The following PCDHGB5 variants were observed in gnomAD, a reference collection of about 807,000 sequenced individuals.
PCDHGB5 encodes the protein protocadherin gamma-B5.
PCDHGB5 carries 48 observed loss-of-function variants against 62.9 expected under a neutral mutation model. That is an observed-to-expected ratio of 0.76 (90% CI 0.61 to 0.97). The LOEUF is 0.97. Among genes scored for constraint, PCDHGB5 ranks in the 50% least tolerant of loss-of-function variants. The pLI is 0.00. For synonymous variants in PCDHGB5, 474 were observed against 511.2 expected, an observed-to-expected ratio of 0.93 and a Z score of 0.98; for missense variants, 1,118 against 1,198.6, an observed-to-expected ratio of 0.93 and a Z score of 0.99.
chr5:141,488,672 G>A (rs1012955473), intron 1 of PCDHGB5, among the ~76,000 whole-genome samples: 20 of 152,208 alleles, frequency 1.3e-4, no homozygotes, highest in African/African-American at 4.8e-4. Context: ...GAATACATGG[G>A]CTTTGCCTCT....
chr5:141,486,162 T>G lies in PCDHGB5; in HGVS notation c.2398-8645T>G, dbSNP rs763023343. ...GCTCGCGATGGGGGTTCTCCAGCCA[T>G]GGAGCAACATTGCAGCCTTCGAGTG... On this transcript the variant is annotated intron_variant, in intron 1 of 3. Coordinates refer to ENST00000617380, the MANE Select transcript of PCDHGB5 (RefSeq NM_018925.3). The surrounding 1 kb of genome is among the most constrained non-coding windows in gnomAD (Gnocchi z 5.0). The G allele has an allele frequency of 6.2e-7, 1 of 1,614,170 alleles. No individual in the cohort carries two copies. Among genetic ancestry groups the G allele is most frequent in the Non-Finnish European group, 8.5e-7 (1 of 1,180,026 alleles).
intron 1 of PCDHGB5, among the ~76,000 whole-genome samples, chr5:141,429,812 A>G (rs2097246172): frequency 6.6e-6 from 1 of 152,226 alleles, no homozygotes; most frequent in South Asian, 2.1e-4. Context: ...AGTAATTACA[A>G]TTAGGTCAGT....
chr5:141,458,054 T>G (rs2098935656), intron 1 of PCDHGB5, among the ~76,000 whole-genome samples: 1 of 152,252 alleles, frequency 6.6e-6, no homozygotes, highest in Admixed American at 6.5e-5. Context: ...GGATTCTTGC[T>G]GCACTGATGC....
At chr5:141,502,001 C>T (rs2099812274) in intron 2 of PCDHGB5, among the ~76,000 whole-genome samples, 2 of 152,106 alleles carry the variant, frequency 1.3e-5, no homozygotes, top group Admixed American at 1.3e-4. Flanking sequence ...CCCTGACAAC[C>T]CGCATGCTCT....
In PCDHGB5 at chr5:141,432,645, C is replaced by A. The variant is rs758701539; in HGVS notation, c.2397+32121C>A. ...CTGCACACGGGCGAGGTGCGCACGG[C>A]GCGAGCCCTGCTGGACAGAGACGCG... On this transcript the variant is annotated intron_variant, in intron 1 of 3. Coordinates refer to ENST00000617380, the MANE Select transcript of PCDHGB5 (RefSeq NM_018925.3). This position sits in a 1 kb window ranked among gnomAD's most constrained non-coding sequence, Gnocchi z 6.0. The A allele has an allele frequency of 1.2e-5, 20 of 1,613,628 alleles. No individual in the cohort carries two copies. The highest frequency in any genetic ancestry group is 1.6e-4 in the Middle Eastern group (1 of 6,066).
chr5:141,450,150 G>T (rs1314865325), intron 1 of PCDHGB5, among the ~76,000 whole-genome samples: 1 of 150,342 alleles, frequency 6.7e-6, no homozygotes, highest in Non-Finnish European at 1.5e-5. Flanking sequence ...GGGACTACAG[G>T]CATGTGCCAC....
At chr5:141,434,515 G>A (rs1032584764) in intron 1 of PCDHGB5, among the ~76,000 whole-genome samples, 1 of 152,296 alleles carries the variant, frequency 6.6e-6, no homozygotes, top group African/African-American at 2.4e-5. Context: ...CTGCTTAAAG[G>A]TGTTCTTAAA....
chr5:141,458,918 A>C (rs1173274380), intron 1 of PCDHGB5, among the ~76,000 whole-genome samples: 1 of 152,022 alleles, frequency 6.6e-6, no homozygotes, highest in Non-Finnish European at 1.5e-5. Context: ...TTTTTTGTGG[A>C]GACGGGGTCT....
At chr5:141,467,178 A>C (rs1344437465) in intron 1 of PCDHGB5, among the ~76,000 whole-genome samples, 1 of 151,604 alleles carries the variant, frequency 6.6e-6, no homozygotes, top group Non-Finnish European at 1.5e-5. Flanking sequence ...TCAGCCTCCC[A>C]AGTAGCTGGG....
At position 141,476,172 on chromosome 5, in the gene PCDHGB5, T is replaced by C; in HGVS notation, c.2398-18635T>C. 6.2e-7 allele frequency: 1 copy of C among 1,612,930 alleles called. No individual in the cohort carries two copies. The highest frequency in any genetic ancestry group is 1.1e-5 in the South Asian group (1 of 91,026). On this transcript the variant is annotated intron_variant, in intron 1 of 3. Coordinates refer to ENST00000617380, the MANE Select transcript of PCDHGB5 (RefSeq NM_018925.3). This position sits in a 1 kb window ranked among gnomAD's most constrained non-coding sequence, Gnocchi z 7.6. ...GTAAGCACCGGGAGGGTAGTGGGAG[T>C]TTTGCTTCTGCTTGGTGCCTTGAAC...
At chr5:141,409,735 C>T (rs763035733) in intron 1 of PCDHGB5, 1 of 1,613,006 alleles carries the variant, frequency 6.2e-7, no homozygotes, top group Admixed American at 1.7e-5. Context: ...GCGCGCAGAG[C>T]GGGGTGGTGT....
At position 141,420,439 on chromosome 5, in the gene PCDHGB5, C is replaced by T. The variant is rs2096496531; in HGVS notation, c.2397+19915C>T. ...TTAAAACAAAAGTTTAAATTAAATGCCTCAGTCTTCCTACTATTCAAAGAC... is the reference window on the plus strand; with the variant it reads ...TTAAAACAAAAGTTTAAATTAAATGTCTCAGTCTTCCTACTATTCAAAGAC... On this transcript the variant is annotated intron_variant, in intron 1 of 3. Coordinates refer to ENST00000617380, the MANE Select transcript of PCDHGB5 (RefSeq NM_018925.3). 10 of 1,073,160 alleles carry T rather than the reference C, an allele frequency of 9.3e-6. No individual in the cohort carries two copies. In the South Asian group the frequency reaches 2.0e-4, roughly 22 times the overall value. The allele number at this position is 1,073,160 out of a possible 1,614,324, so 66.5% of individuals were successfully genotyped here.
Position 141,490,709 on chromosome 5 carries a change from C to T in PCDHGB5, c.2398-4098C>T. ...GACACTGGGGATAATGCCCGCCTCA[C>T]CTACTCCATTGTAGGAAATCAGGTT... On this transcript the variant is annotated intron_variant, in intron 1 of 3. Transcript: ENST00000617380. This position sits in a 1 kb window ranked among gnomAD's most constrained non-coding sequence, Gnocchi z 5.4. The T allele has an allele frequency of 1.9e-6, 3 of 1,614,218 alleles. No homozygotes were observed. Among genetic ancestry groups the T allele is most frequent in the Non-Finnish European group, 2.5e-6 (3 of 1,180,038 alleles).
chr5:141,488,681 C>G, intron 1 of PCDHGB5, among the ~76,000 whole-genome samples: 1 of 152,204 alleles, frequency 6.6e-6, no homozygotes, highest in East Asian at 1.9e-4. Flanking sequence ...GGCTTTGCCT[C>G]TCCCAGAAGG....
chr5:141,409,715 G>C (rs2095305446), intron 1 of PCDHGB5: 9 of 1,613,084 alleles, frequency 5.6e-6, no homozygotes, highest in Admixed American at 1.7e-5. Flanking sequence ...GTCGTCATAC[G>C]TGTCAGTGAG....
intron 1 of PCDHGB5, among the ~76,000 whole-genome samples, chr5:141,437,411 T>C (rs1014219268): frequency 1.1e-4 from 17 of 152,222 alleles, no homozygotes; most frequent in African/African-American, 4.1e-4. Flanking sequence ...TCCAGAAGTA[T>C]TATGCTTTTT....
chr5:141,495,973 A>C (rs2099764953), intron 2 of PCDHGB5, among the ~76,000 whole-genome samples: 1 of 146,988 alleles, frequency 6.8e-6, no homozygotes, highest in African/African-American at 2.5e-5. Context: ...TTTCTCTGTT[A>C]CTCTTTCTTT....
At chr5:141,478,045 T>C in intron 1 of PCDHGB5, 3 of 1,614,144 alleles carry the variant, frequency 1.9e-6, no homozygotes, top group East Asian at 2.2e-5. Flanking sequence ...CCAGGCAGAC[T>C]CTCACGGTCT....
chr5:141,473,308 A>G (rs1248143328), intron 1 of PCDHGB5, among the ~76,000 whole-genome samples: 1 of 152,234 alleles, frequency 6.6e-6, no homozygotes, highest in Non-Finnish European at 1.5e-5. Context: ...AGATTGCTAT[A>G]TTAATAAGCA....
Sources: allele counts gnomAD v4.1 joint callset (sites outside exome capture counted in the v4.1 genomes callset), GRCh38; gene constraint gnomAD v4.1.1; non-coding constraint Gnocchi (gnomAD v3.1); transcripts MANE v1.5; gene names NCBI Gene and HGNC (gene_info 2026-07-23, HGNC 2026-07-21).